HS6ST3: variants seen among roughly 807,000 people sequenced by gnomAD.
HS6ST3 encodes the protein heparan-sulfate 6-O-sulfotransferase 3.
A neutral mutation model predicts 36.7 loss-of-function variants in HS6ST3; 12 were observed. The ratio of observed to expected loss-of-function variants is 0.33; its 90% CI spans 0.21 to 0.53. HS6ST3 has a LOEUF of 0.53. Ranked by LOEUF, HS6ST3 falls within the 20% of genes least tolerant of loss-of-function variation. The pLI is 0.95. For synonymous variants in HS6ST3, 240 were observed against 257.5 expected (o/e 0.93, Z 0.65); for missense variants, 584 against 640.9 (o/e 0.91, Z 0.96).
At chr13:96,606,231 A>G (rs778165371) in intron 1 of HS6ST3, among the ~76,000 whole-genome samples, 2 of 152,138 alleles carry the variant, frequency 1.3e-5, no homozygotes, top group African/African-American at 2.4e-5. Context: ...TATGTACCCA[A>G]TGGAAAATAA....
intron 1 of HS6ST3, among the ~76,000 whole-genome samples, chr13:96,674,597 G>A (rs1248187213): frequency 6.6e-6 from 1 of 152,034 alleles, no homozygotes; most frequent in East Asian, 1.9e-4. Context: ...TCTATTAGAC[G>A]TTTCCTCCAT....
At chr13:96,338,898 C>G (rs1184298360) in intron 1 of HS6ST3, among the ~76,000 whole-genome samples, 1 of 152,180 alleles carries the variant, frequency 6.6e-6, no homozygotes. Flanking sequence ...AAACAAGACT[C>G]TTTGCTTTTG....
intron 1 of HS6ST3, among the ~76,000 whole-genome samples, chr13:96,128,392 G>A (rs769161671): frequency 1.7e-4 from 26 of 152,304 alleles, no homozygotes; most frequent in Non-Finnish European, 2.4e-4. Context: ...ATTGAGCTGT[G>A]CTGTGTCAGG....
intron 1 of HS6ST3, among the ~76,000 whole-genome samples, chr13:96,260,925 C>G (rs1376606558): frequency 6.6e-6 from 1 of 152,188 alleles, no homozygotes; most frequent in Admixed American, 6.5e-5. Context: ...CAGGTGTGAG[C>G]CACTGTGCCT....
intron 1 of HS6ST3, among the ~76,000 whole-genome samples, chr13:96,480,458 CTG>C (rs920502508): frequency 6.6e-6 from 1 of 151,990 alleles, no homozygotes. Context: ...TTAAGTGTGA[CTG>C]TGTGCGTGTG....
chr13:96,202,268 G>C (rs1263712401), intron 1 of HS6ST3, among the ~76,000 whole-genome samples: 1 of 152,136 alleles, frequency 6.6e-6, no homozygotes, highest in Non-Finnish European at 1.5e-5. Context: ...GGGGGTAAAG[G>C]GGAAATGTAT....
At chr13:96,172,470 C>T (rs1010234660) in intron 1 of HS6ST3, among the ~76,000 whole-genome samples, 18 of 152,144 alleles carry the variant, frequency 1.2e-4, no homozygotes, top group African/African-American at 4.3e-4. Context: ...AGCATTGGGT[C>T]CTCTTATTAC....
intron 1 of HS6ST3, among the ~76,000 whole-genome samples, chr13:96,710,214 A>G (rs978280325): frequency 5.3e-5 from 8 of 152,276 alleles, no homozygotes; most frequent in Non-Finnish European, 1.0e-4. Flanking sequence ...GCCAAAAAAG[A>G]CAGCCAAAGA....
At chr13:96,509,806 A>G (rs1472356336) in intron 1 of HS6ST3, among the ~76,000 whole-genome samples, 2 of 152,140 alleles carry the variant, frequency 1.3e-5, no homozygotes, top group African/African-American at 4.8e-5. Context: ...CCTTTTCCTT[A>G]GGATTGCTTT....
At chr13:96,186,920 T>C (rs1384310744) in intron 1 of HS6ST3, among the ~76,000 whole-genome samples, 1 of 152,230 alleles carries the variant, frequency 6.6e-6, no homozygotes, top group Non-Finnish European at 1.5e-5. Context: ...GCAGATGTGA[T>C]TGAAGAGGCC....
chr13:96,487,264 A>G (rs78701236), intron 1 of HS6ST3, among the ~76,000 whole-genome samples: 2 of 152,088 alleles, frequency 1.3e-5, no homozygotes, highest in East Asian at 3.9e-4. Flanking sequence ...TAATAGTGCA[A>G]TGTTATTTTT....
In HS6ST3 at chr13:96,112,418, T is replaced by C. The variant is rs2053872619; in HGVS notation, c.707+20849T>C. ...ATAAAAGGAAGCACAAGGGAAAACATGAAAGATTTATCTATATTTAAATGG... is the reference window on the plus strand; with the variant it reads ...ATAAAAGGAAGCACAAGGGAAAACACGAAAGATTTATCTATATTTAAATGG... On this transcript the variant is annotated intron_variant, in intron 1 of 1. Transcript: ENST00000376705. Among the ~76,000 whole-genome samples, 4 of 151,182 alleles carry C rather than the reference T, an allele frequency of 2.6e-5. No individual in the cohort carries two copies. In the South Asian group the frequency reaches 8.4e-4, roughly 32 times the overall value.
intron 1 of HS6ST3, among the ~76,000 whole-genome samples, chr13:96,793,589 A>G (rs1406947594): frequency 6.6e-6 from 1 of 152,102 alleles, no homozygotes; most frequent in Non-Finnish European, 1.5e-5. Context: ...CCATGGTAGC[A>G]CGTTATTTCT....
chr13:96,513,241 T>C (rs148806873), intron 1 of HS6ST3, among the ~76,000 whole-genome samples: 607 of 152,196 alleles, frequency 4.0e-3, no homozygotes, highest in Non-Finnish European at 6.7e-3. Flanking sequence ...TTCCACAATA[T>C]ATTTTGGCCT....
chr13:96,301,570 A>G (rs1385299259), intron 1 of HS6ST3, among the ~76,000 whole-genome samples: 1 of 152,126 alleles, frequency 6.6e-6, no homozygotes, highest in African/African-American at 2.4e-5. Context: ...CTTGTCTTTC[A>G]GATGAAATCT....
intron 1 of HS6ST3, among the ~76,000 whole-genome samples, chr13:96,823,014 G>A (rs1270469200): frequency 6.6e-6 from 1 of 152,172 alleles, no homozygotes; most frequent in Non-Finnish European, 1.5e-5. Flanking sequence ...TCCTGGAATG[G>A]CAGTCTCAGA....
chr13:96,344,622 C>T (rs1001176547), intron 1 of HS6ST3, among the ~76,000 whole-genome samples: 1 of 152,154 alleles, frequency 6.6e-6, no homozygotes, highest in Non-Finnish European at 1.5e-5. Flanking sequence ...TAAATTTATC[C>T]TCTCTCCTGT....
chr13:96,302,005 A>G (rs2054885677), intron 1 of HS6ST3, among the ~76,000 whole-genome samples: 2 of 151,274 alleles, frequency 1.3e-5, no homozygotes, highest in African/African-American at 2.4e-5. Context: ...ATGTTAAACT[A>G]TAATATGATA....
At chr13:96,092,736 C>T (rs953049653) in intron 1 of HS6ST3, among the ~76,000 whole-genome samples, 1 of 152,160 alleles carries the variant, frequency 6.6e-6, no homozygotes, top group African/African-American at 2.4e-5. Context: ...TGGAATTCAC[C>T]ACCACTGAAG....
Sources: gnomAD v4.1 joint callset for allele counts (sites outside exome capture counted in the v4.1 genomes callset) on GRCh38, gnomAD v4.1.1 for gene constraint, MANE v1.5 for transcripts, NCBI Gene and HGNC (gene_info 2026-07-23, HGNC 2026-07-21) for gene names.